RFFL: variants seen among roughly 807,000 people sequenced by gnomAD.
The protein encoded by RFFL is E3 ubiquitin-protein ligase rififylin.
In RFFL, 16 loss-of-function variants were observed where a neutral mutation model predicts 40.4. The observed-to-expected ratio is 0.40, with a 90% CI of 0.27 to 0.60. The LOEUF is 0.60. Ranked by LOEUF, RFFL falls within the 20% of genes least tolerant of loss-of-function variation. RFFL has a pLI of 0.47. For missense variants in RFFL, 367 were observed against 451.7 expected, an observed-to-expected ratio of 0.81 and a Z score of 1.70; for synonymous variants, 154 against 167.9, an observed-to-expected ratio of 0.92 and a Z score of 0.64.
intron 1 of RFFL, among the ~76,000 whole-genome samples, chr17:35,053,641 T>C (rs1183995267): frequency 1.3e-5 from 2 of 152,200 alleles, no homozygotes; most frequent in Non-Finnish European, 2.9e-5. Context: ...GTACCTACTT[T>C]GCAGGAGGAT....
At chr17:35,076,347 T>C (rs1197687076) in intron 1 of RFFL, among the ~76,000 whole-genome samples, 1 of 151,984 alleles carries the variant, frequency 6.6e-6, no homozygotes, top group Non-Finnish European at 1.5e-5. Flanking sequence ...ACATTGCCTA[T>C]AGGGTAGCCC....
chr17:35,054,852 A>G (rs1248572027), intron 1 of RFFL, among the ~76,000 whole-genome samples: 1 of 151,998 alleles, frequency 6.6e-6, no homozygotes, highest in Non-Finnish European at 1.5e-5. Context: ...GAGGTCATTC[A>G]CACAAATCCT....
At chr17:35,088,618 C>T (rs1411150588) in intron 1 of RFFL, 5 of 152,526 alleles carry the variant, frequency 3.3e-5, no homozygotes, top group Non-Finnish European at 7.3e-5. Flanking sequence ...GCGGGGAGAA[C>T]CGCATTCCCA....
chr17:35,012,214 G>C, intron 6 of RFFL, 65 bp from the exon 7 acceptor site: 1 of 1,385,030 alleles, frequency 7.2e-7, no homozygotes, highest in Non-Finnish European at 1.0e-6. Flanking sequence ...TAAGTGTATA[G>C]GGGTGACTGG....
intron 1 of RFFL, among the ~76,000 whole-genome samples, chr17:35,048,780 A>G (rs1370900143): frequency 6.6e-6 from 1 of 152,216 alleles, no homozygotes; most frequent in East Asian, 1.9e-4. Context: ...ACTGCACTGA[A>G]GTCAGATAGG....
chr17:35,032,944 T>C (rs1443719030), intron 1 of RFFL, among the ~76,000 whole-genome samples: 1 of 152,114 alleles, frequency 6.6e-6, no homozygotes, highest in South Asian at 2.1e-4. Flanking sequence ...AAAGTGTCCA[T>C]GTGTGCTCTT....
At chr17:35,040,845 T>C (rs2091159843) in intron 1 of RFFL, among the ~76,000 whole-genome samples, 1 of 65,730 alleles carries the variant, frequency 1.5e-5, no homozygotes, top group African/African-American at 7.4e-5. Flanking sequence ...TAATGTCTTT[T>C]TTTTTTTTTT....
Position 35,012,085 on chromosome 17 carries a change from G to A in RFFL, c.975C>T (p.Asp325=), listed in dbSNP as rs764689416. Residue 325 remains aspartate, a synonymous_variant, in exon 7 of 7, where the codon GAC becomes GAT. Coordinates refer to ENST00000394597, the MANE Select transcript of RFFL (RefSeq NM_001017368.2). ...TGTGGCCACACTCCAGAAGAACACA[G>A]TCAATGGGTGAGTCCATGCAGATCT... The part of the protein sequence containing the change: ...LCKICMDSPI[D]CVLLECGHMV... 3 of 1,614,184 alleles carry A rather than the reference G, an allele frequency of 1.9e-6. No homozygotes were observed. The Admixed American group carries it at 5.0e-5, about 27-fold the overall frequency.
intron 1 of RFFL, among the ~76,000 whole-genome samples, chr17:35,057,107 T>C (rs781015279): frequency 2.0e-5 from 3 of 151,732 alleles, no homozygotes; most frequent in African/African-American, 4.8e-5. Context: ...TTAGTAGAGA[T>C]GGGGTTTCAC....
chr17:35,033,151 G>T (rs2091096607), intron 1 of RFFL, among the ~76,000 whole-genome samples: 1 of 152,010 alleles, frequency 6.6e-6, no homozygotes, highest in African/African-American at 2.4e-5. Flanking sequence ...AAACTGCTGA[G>T]GAGTCCCCAA....
intron 1 of RFFL, among the ~76,000 whole-genome samples, chr17:35,032,035 C>A (rs1314166807): frequency 1.3e-5 from 2 of 148,750 alleles, no homozygotes; most frequent in Admixed American, 1.4e-4. Context: ...GCGGAGCTTG[C>A]AGAGAGCCGA....
At chr17:35,021,897 T>C in intron 2 of RFFL, 116 bp from the exon 3 acceptor site, 1 of 991,348 alleles carries the variant, frequency 1.0e-6, no homozygotes, top group Non-Finnish European at 1.5e-6. Context: ...CACTCTTACT[T>C]TTACTAAGCT....
chr17:35,013,178 C>G (rs540482097), intron 6 of RFFL, among the ~76,000 whole-genome samples: 1 of 152,262 alleles, frequency 6.6e-6, no homozygotes, highest in Non-Finnish European at 1.5e-5. Context: ...CCCAAGGGCA[C>G]AAAGCTGCTA....
At chr17:35,055,663 C>T (rs559058571) in intron 1 of RFFL, among the ~76,000 whole-genome samples, 6 of 145,470 alleles carry the variant, frequency 4.1e-5, no homozygotes, top group Admixed American at 2.0e-4. Context: ...AAGAGCAAAA[C>T]TCCATCTCAA....
intron 1 of RFFL, among the ~76,000 whole-genome samples, chr17:35,045,726 T>A (rs941997370): frequency 2.0e-5 from 3 of 152,070 alleles, no homozygotes; most frequent in African/African-American, 4.8e-5. Flanking sequence ...AAATTCATGC[T>A]TAAAATTGCA....
chr17:35,068,432 T>A (rs1019344812), upstream of RFFL, among the ~76,000 whole-genome samples: 5 of 152,228 alleles, frequency 3.3e-5, no homozygotes, highest in African/African-American at 1.2e-4. Flanking sequence ...GTCCCTTTAA[T>A]CTTTAACAAG....
Position 35,016,480 on chromosome 17 carries a change from T to C in RFFL, c.776A>G (p.Lys259Arg). The C allele has an allele frequency of 6.2e-7, 1 of 1,614,182 alleles. No homozygotes were observed. Among genetic ancestry groups the C allele is most frequent in the Non-Finnish European group, 8.5e-7 (1 of 1,180,016 alleles). ...DIEGLTVRQLKEILARNFVNY... is the reference protein window; with the variant it reads ...DIEGLTVRQLREILARNFVNY... ...GACAAAGTTGCGAGCCAAGATCTCT[T>C]TCAGCTGCCGCACTGTCAGGCCTTC... Residue 259 changes from lysine (K) to arginine (R), a missense_variant, in exon 5 of 7, where the codon AAA (lysine) becomes AGA (arginine). By Grantham distance (26) the Lys-to-Arg change is conservative (BLOSUM62 2). Transcript: ENST00000394597.
intron 2 of RFFL, among the ~76,000 whole-genome samples, chr17:35,023,453 C>T (rs1803134146): frequency 6.6e-6 from 1 of 152,218 alleles, no homozygotes; most frequent in Non-Finnish European, 1.5e-5. Context: ...TATAACCAAA[C>T]AATACTGTTC....
intron 1 of RFFL, among the ~76,000 whole-genome samples, chr17:35,041,631 A>G (rs1454390462): frequency 6.7e-6 from 1 of 149,524 alleles, no homozygotes; most frequent in Non-Finnish European, 1.5e-5. Context: ...GTGTGTGTAA[A>G]TGGGGGAGGA....
Sources: allele counts gnomAD v4.1 joint callset (sites outside exome capture counted in the v4.1 genomes callset), GRCh38; gene constraint gnomAD v4.1.1; transcripts MANE v1.5; gene names NCBI Gene and HGNC (gene_info 2026-07-23, HGNC 2026-07-21).